The following LSAMP variants were observed in gnomAD, a reference collection of about 807,000 sequenced individuals.
LSAMP encodes limbic system associated membrane protein.
Under a neutral mutation model 38.6 loss-of-function variants are expected in LSAMP, and 7 were observed. That is an observed-to-expected ratio of 0.18 (90% CI 0.10 to 0.34). The LOEUF (loss-of-function observed/expected upper bound fraction) is 0.34. Ranked by LOEUF, LSAMP falls within the 10% of genes least tolerant of loss-of-function variation. The probability of loss-of-function intolerance (pLI) is 1.00; values close to 1 mark genes in which losing one functional copy is unlikely to be tolerated. For synonymous variants in LSAMP, 154 were observed against 166.8 expected (o/e 0.92, Z 0.59); for missense variants, 313 against 420.0 (o/e 0.75, Z 2.23).
chr3:115,907,310 C>T (rs1937030216), intron 3 of LSAMP, among the ~76,000 whole-genome samples: 1 of 151,828 alleles, frequency 6.6e-6, no homozygotes, highest in African/African-American at 2.4e-5. Flanking sequence ...AAAGATGAGC[C>T]CTCTGGGAGG....
intron 6 of LSAMP, among the ~76,000 whole-genome samples, chr3:115,830,409 C>G (rs1389726745): frequency 6.6e-6 from 1 of 152,068 alleles, no homozygotes; most frequent in African/African-American, 2.4e-5. Context: ...AATGTATACA[C>G]AAGGGTGATT....
intron 3 of LSAMP, among the ~76,000 whole-genome samples, chr3:115,954,388 C>T (rs565723220): frequency 1.3e-5 from 2 of 152,278 alleles, no homozygotes; most frequent in Admixed American, 1.3e-4. Context: ...GAAACTGACC[C>T]ATCTACTCCT....
At chr3:116,221,149 T>A (rs1272793523) in intron 1 of LSAMP, among the ~76,000 whole-genome samples, 1 of 3,696 alleles carries the variant, frequency 2.7e-4, no homozygotes, top group Non-Finnish European at 9.8e-4. Context: ...AGACTCTGTC[T>A]CAAAAAAAAA....
chr3:116,164,773 T>TTTTCAAGTAGCATCTAGCTTAGTAAGGC (rs1279357951), intron 1 of LSAMP, among the ~76,000 whole-genome samples: 1 of 143,810 alleles, frequency 7.0e-6, no homozygotes, highest in Non-Finnish European at 1.5e-5. Context: ...TTTTTTTTTT[T>TTTTCAAGTAGCATCTAGCTTAGTAAGGC]TCAAGTAGCA....
At chr3:116,218,457 CCA>C (rs1276164755) in intron 1 of LSAMP, among the ~76,000 whole-genome samples, 1 of 152,158 alleles carries the variant, frequency 6.6e-6, no homozygotes, top group Non-Finnish European at 1.5e-5. Flanking sequence ...CTCCTCGCCA[CCA>C]CTGAATTTCC....
intron 6 of LSAMP, among the ~76,000 whole-genome samples, chr3:115,834,333 C>T (rs1189582632): frequency 2.6e-5 from 4 of 152,060 alleles, no homozygotes; most frequent in Non-Finnish European, 5.9e-5. Context: ...ATTGCCTTCA[C>T]AGCTACTGAC....
intron 1 of LSAMP, among the ~76,000 whole-genome samples, chr3:116,316,538 C>G (rs148449876): frequency 1.1e-3 from 160 of 152,066 alleles, no homozygotes; most frequent in African/African-American, 3.6e-3. Flanking sequence ...TTTGGGAGAC[C>G]GAGGCGGGTA....
chr3:115,878,763 AGAACATGCT>A (rs1936251161), intron 3 of LSAMP, among the ~76,000 whole-genome samples: 6 of 152,080 alleles, frequency 3.9e-5, no homozygotes. Flanking sequence ...CATTCAGGTG[AGAACATGCT>A]ATTCTAATAG....
chr3:115,827,352 T>C (rs532673241), intron 6 of LSAMP, among the ~76,000 whole-genome samples: 15 of 133,882 alleles, frequency 1.1e-4, no homozygotes, highest in South Asian at 7.6e-4. Context: ...TTTTTTTTTT[T>C]CTACAGGATG....
chr3:115,912,363 C>A (rs1193610604), intron 3 of LSAMP, among the ~76,000 whole-genome samples: 1 of 152,160 alleles, frequency 6.6e-6, no homozygotes, highest in African/African-American at 2.4e-5. Flanking sequence ...TCTTTTTGTG[C>A]ATGCATGTCC....
intron 2 of LSAMP, among the ~76,000 whole-genome samples, chr3:116,026,391 T>G (rs1301381335): frequency 1.3e-5 from 2 of 152,182 alleles, no homozygotes; most frequent in African/African-American, 2.4e-5. Flanking sequence ...TCTTTTTGTG[T>G]AAGACTAACG....
At chr3:115,870,802 C>A (rs1186112357) in intron 3 of LSAMP, among the ~76,000 whole-genome samples, 2 of 152,140 alleles carry the variant, frequency 1.3e-5, no homozygotes, top group Non-Finnish European at 2.9e-5. Context: ...GCTGCATTAG[C>A]TGTGGAGTTG....
rs1710425171 is a variant in LSAMP, at chr3:116,179,175, TCTGCTTATG to T, written c.156-92628_156-92620del. ...ACTTACACACTAAGGCTTCTTTCTG[TCTGCTTATG>T]CTGCTTCCTGCTGTACTTCAGTCCC... On this transcript the variant is annotated intron_variant, in intron 1 of 6. Transcript: ENST00000490035. Among the ~76,000 whole-genome samples, 4 of 152,314 alleles carry T rather than the reference TCTGCTTATG, an allele frequency of 2.6e-5. No individual in the cohort carries two copies. In the South Asian group the frequency reaches 8.3e-4, roughly 32 times the overall value.
chr3:115,814,241 G>A (rs548822008), intron 6 of LSAMP: 26 of 152,294 alleles, frequency 1.7e-4, no homozygotes, highest in Non-Finnish European at 3.2e-4. Context: ...CAGCAGGACT[G>A]CAAATCATAA....
chr3:116,249,333 C>T (rs954502950), intron 1 of LSAMP, among the ~76,000 whole-genome samples: 2 of 151,800 alleles, frequency 1.3e-5, no homozygotes, highest in African/African-American at 4.8e-5. Flanking sequence ...AAGTTTTCTG[C>T]CTTATCCTGG....
chr3:116,013,115 C>A (rs748745052), intron 3 of LSAMP, among the ~76,000 whole-genome samples: 3 of 152,194 alleles, frequency 2.0e-5, no homozygotes, highest in Non-Finnish European at 4.4e-5. Flanking sequence ...TAGGCTGATT[C>A]ACTTCTCTTC....
chr3:116,099,280 T>G (rs909584962), intron 1 of LSAMP, among the ~76,000 whole-genome samples: 7 of 152,186 alleles, frequency 4.6e-5, no homozygotes, highest in Admixed American at 1.3e-4. Flanking sequence ...CCTGGGCTAG[T>G]ATGGCTTTGA....
chr3:116,148,496 A>G (rs1007610373), intron 1 of LSAMP, among the ~76,000 whole-genome samples: 3 of 151,984 alleles, frequency 2.0e-5, no homozygotes, highest in Non-Finnish European at 4.4e-5. Context: ...TATTACTTTT[A>G]TAGTCATATC....
At chr3:116,213,350 A>G (rs914757837) in intron 1 of LSAMP, among the ~76,000 whole-genome samples, 4 of 152,148 alleles carry the variant, frequency 2.6e-5, no homozygotes, top group Non-Finnish European at 4.4e-5. Flanking sequence ...ATGGTTTTAT[A>G]AAGAGGAGTT....
Sources: gnomAD v4.1 joint callset for allele counts (sites outside exome capture counted in the v4.1 genomes callset) on GRCh38, gnomAD v4.1.1 for gene constraint, MANE v1.5 for transcripts, NCBI Gene and HGNC (gene_info 2026-07-23, HGNC 2026-07-21) for gene names.